The following P2RX1 variants were observed in gnomAD, a reference collection of about 807,000 sequenced individuals.
P2RX1 encodes purinergic receptor P2X 1, also known as P2X purinoceptor 1.
In P2RX1, 42 loss-of-function variants were observed where a neutral mutation model predicts 50.3. The ratio of observed to expected loss-of-function variants is 0.83; its 90% CI spans 0.65 to 1.08. P2RX1 has a LOEUF of 1.08. Among genes scored for constraint, P2RX1 ranks in the 50% least tolerant of loss-of-function variants. P2RX1 has a pLI of 0.00. For synonymous variants in P2RX1, 199 were observed against 202.6 expected, an observed-to-expected ratio of 0.98 and a Z score of 0.15; for missense variants, 449 against 529.0, an observed-to-expected ratio of 0.85 and a Z score of 1.48.
rs1195590270 is a variant in P2RX1 at position 3,897,283 on chromosome 17, A to G, written c.*531T>C. The G allele has an allele frequency of 5.7e-6, 1 of 174,948 alleles. No homozygotes were observed. Among genetic ancestry groups the G allele is most frequent in the African/African-American group, 2.4e-5 (1 of 42,188 alleles). 10.8% of individuals were successfully genotyped at this position (174,948 alleles called of 1,614,324 possible). ...AAACAGGGCTCAAGCAGGGCTGTCTAATAGAACTTTCTTTGACAGTGAAAA... is the reference window on the plus strand; with the variant it reads ...AAACAGGGCTCAAGCAGGGCTGTCTGATAGAACTTTCTTTGACAGTGAAAA... On this transcript the variant is annotated 3_prime_UTR_variant, in exon 12 of 12. Transcript: ENST00000225538.
chr17:3,898,714 C>T (rs554415872), intron 9 of P2RX1, among the ~76,000 whole-genome samples, 165 bp from the exon 10 acceptor site: 113 of 152,330 alleles, frequency 7.4e-4, no homozygotes, highest in African/African-American at 2.6e-3. Flanking sequence ...GGGTTTTGAC[C>T]TTGGCTCTGC....
chr17:3,909,069 T>C (rs979452378), intron 1 of P2RX1, among the ~76,000 whole-genome samples: 4 of 152,060 alleles, frequency 2.6e-5, no homozygotes, highest in Non-Finnish European at 4.4e-5. Context: ...CTCAGTCTGT[T>C]GCCCAGGCTG....
At position 3,904,872 on chromosome 17, in the gene P2RX1, C is replaced by G; in HGVS notation, c.343G>C (p.Gly115Arg). 1 of 1,509,822 alleles carries G rather than the reference C, an allele frequency of 6.6e-7. No individual in the cohort carries two copies. The highest frequency in any genetic ancestry group is 8.9e-7 in the Non-Finnish European group (1 of 1,118,614). 93.5% of individuals were successfully genotyped at this position (1,509,822 alleles called of 1,614,324 possible). ...GAAGTCCTCACCTCTGCGCAGTAGCCTTGAGTCTGCTTCGGGGTCACGATG... is the reference window on the plus strand; with the variant it reads ...GAAGTCCTCACCTCTGCGCAGTAGCGTTGAGTCTGCTTCGGGGTCACGATG... ...NFIVTPKQTQ[G>R]YCAEHPEGGI... The change falls in exon 3 of 12, where the codon GGC becomes CGC. Residue 115 changes from glycine (G) to arginine (R), a missense_variant. Physicochemically the swap from Gly to Arg is moderately radical, Grantham distance 125 (BLOSUM62 -2). Transcript: ENST00000225538.
chr17:3,899,935 T>A (rs1448464979), intron 7 of P2RX1, among the ~76,000 whole-genome samples, 174 bp from the exon 8 acceptor site: 3 of 151,958 alleles, frequency 2.0e-5, no homozygotes, highest in Admixed American at 2.0e-4. Flanking sequence ...AACCCGTCTC[T>A]ACTAAAAATA....
chr17:3,910,954 A>G (rs2144059923), intron 1 of P2RX1, among the ~76,000 whole-genome samples: 1 of 152,128 alleles, frequency 6.6e-6, no homozygotes, highest in East Asian at 1.9e-4. Flanking sequence ...CAGGCCAACC[A>G]TTTGTGTTTT....
At position 3,905,365 on chromosome 17, in the gene P2RX1, C is replaced by T; in HGVS notation, c.140G>A (p.Trp47Ter). 1 of 1,613,570 alleles carries T rather than the reference C, an allele frequency of 6.2e-7. No individual in the cohort carries two copies. The highest frequency in any genetic ancestry group is 8.5e-7 in the Non-Finnish European group (1 of 1,180,018). The change falls in exon 2 of 12, where the codon TGG becomes TAG. Residue 47 changes from tryptophan to a stop codon, truncating the protein, a stop_gained and splice_region_variant. Transcript: ENST00000225538. LOFTEE classifies it high-confidence loss of function. Reference protein sequence around the residue: ...QLVVLVYVIGWVFLYEKGYQT... With the variant: ...QLVVLVYVIG ...GTAGCCCTTCTCATAGAGAAACACC[C>T]ACCTGTGCGGGTGGGGACAGAGGGG...
At chr17:3,912,169 C>T (rs371956535) in intron 1 of P2RX1, among the ~76,000 whole-genome samples, 2 of 152,130 alleles carry the variant, frequency 1.3e-5, no homozygotes, top group Non-Finnish European at 1.5e-5. Context: ...AGACTGGACC[C>T]GCAGGAATTC....
Position 3,904,293 on chromosome 17 carries a change from G to A in P2RX1, c.427+37C>T, listed in dbSNP as rs1184831487. The A allele has an allele frequency of 2.2e-5, 35 of 1,584,292 alleles. No individual in the cohort carries two copies. The East Asian group carries it at 2.9e-4, about 13-fold the overall frequency. ...CTGCAGGACGTCAGGGACCGCAGCC[G>A]GGGGACTGTGGAGGGACAGGAGGAG... is the stretch of plus-strand genomic sequence containing the variant. On this transcript the variant is annotated intron_variant, in intron 4 of 11. Coordinates refer to ENST00000225538, the MANE Select transcript of P2RX1 (RefSeq NM_002558.4).
chr17:3,904,781 G>A, intron 3 of P2RX1, 77 bp downstream of exon 3: 1 of 1,164,122 alleles, frequency 8.6e-7, no homozygotes, highest in Non-Finnish European at 1.3e-6. Context: ...TTCCCCTCCA[G>A]TGCCCCTGGA....
At chr17:3,907,290 C>CGTGTGTGTGT (rs147411964) in intron 1 of P2RX1, among the ~76,000 whole-genome samples, 15,372 of 134,250 alleles carry the variant, frequency 0.11, 1,270 homozygotes, top group African/African-American at 0.21. Flanking sequence ...TTCAGGGTAA[C>CGTGTGTGTGT]GTGTGTGTGT....
chr17:3,908,549 G>C (rs896264882), intron 1 of P2RX1, among the ~76,000 whole-genome samples: 1 of 152,154 alleles, frequency 6.6e-6, no homozygotes, highest in Admixed American at 6.5e-5. Context: ...CGACAAGAGT[G>C]AGACTCCGTC....
chr17:3,905,290 A>T lies in P2RX1; in HGVS notation c.215T>A (p.Leu72Gln). 1.2e-6 allele frequency: 2 copies of T among 1,613,968 alleles called. No homozygotes were observed. Among genetic ancestry groups the T allele is most frequent in the Non-Finnish European group, 1.7e-6 (2 of 1,180,020 alleles). ...ISSVSVKLKG[L>Q]AVTQLPGLGP... ...GAGGCCAGGGAGCTGGGTCACGGCC[A>T]GGCCCTTGAGTTTCACAGAGACACT... is the stretch of plus-strand genomic sequence containing the variant. Residue 72 changes from leucine (L) to glutamine (Q), a missense_variant, in exon 2 of 12, where the codon CTG becomes CAG. By Grantham distance (113) the Leu-to-Gln change is moderately radical. Transcript: ENST00000225538.
At chr17:3,899,823 G>C in intron 7 of P2RX1, 62 bp from the exon 8 acceptor site, 1 of 1,593,090 alleles carries the variant, frequency 6.3e-7, no homozygotes, top group Non-Finnish European at 8.6e-7. Context: ...TGTCTCAGCC[G>C]GGCGCAGTGG....
In P2RX1 at chr17:3,907,940, G is replaced by A. The variant is rs1024124431; in HGVS notation, c.138-2573C>T. Among the ~76,000 whole-genome samples the A allele has an allele frequency of 5.9e-5, 9 of 152,304 alleles. No individual in the cohort carries two copies. The East Asian group carries it at 9.7e-4, about 16-fold the overall frequency. On this transcript the variant is annotated intron_variant, in intron 1 of 11. Transcript: ENST00000225538. Reference sequence around the variant, plus strand: ...AGGACAGGCCACTGACCTCCCTCTCGGCACCTTCAGCCCCAACAGCTTAGC... The same window carrying A: ...AGGACAGGCCACTGACCTCCCTCTCAGCACCTTCAGCCCCAACAGCTTAGC...
Position 3,905,386 on chromosome 17 carries a change from AG to A in P2RX1, c.138-20del, listed in dbSNP as rs763794875. ...CACCCACCTGTGCGGGTGGGGACAG[AG>A]GGGGAGTTGTGGTTGTGGCACCAGC... On this transcript the variant is annotated intron_variant, in intron 1 of 11. Coordinates refer to ENST00000225538, the MANE Select transcript of P2RX1 (RefSeq NM_002558.4). 3.1e-6 allele frequency: 5 copies of A among 1,612,674 alleles called. No individual in the cohort carries two copies. The African/African-American group carries it at 6.7e-5, about 22-fold the overall frequency.
In P2RX1 at chr17:3,898,140, G is replaced by A. The variant is rs149912938; in HGVS notation, c.1033-30C>T. On this transcript the variant is annotated intron_variant, in intron 10 of 11. Transcript: ENST00000225538. ...GGTCAGGGAAGGGCACGGAGACAGCGTGGGAATCCGGGGGTGGGTACGGAG... is the reference window on the plus strand; with the variant it reads ...GGTCAGGGAAGGGCACGGAGACAGCATGGGAATCCGGGGGTGGGTACGGAG... 70,551 of 1,586,044 alleles carry A rather than the reference G, an allele frequency of 0.044. 1,888 individuals carry two copies. Among genetic ancestry groups the A allele is most frequent in the South Asian group, 0.07 (6,351 of 90,482 alleles).
intron 3 of P2RX1, 92 bp from the exon 4 acceptor site, chr17:3,904,491 G>A (rs936875136): frequency 1.4e-5 from 15 of 1,090,712 alleles, no homozygotes; most frequent in South Asian, 5.3e-5. Context: ...TAGGGAGAGC[G>A]TGGGGCAGAG....
At chr17:3,900,174 C>T (rs933230497) in intron 7 of P2RX1, among the ~76,000 whole-genome samples, 12 of 151,792 alleles carry the variant, frequency 7.9e-5, no homozygotes, top group Non-Finnish European at 1.5e-4. Context: ...ATTTTGGAGC[C>T]GGGCGTGGTG....
intron 1 of P2RX1, among the ~76,000 whole-genome samples, chr17:3,910,039 A>G (rs543779115): frequency 1.4e-5 from 2 of 139,224 alleles, no homozygotes; most frequent in South Asian, 4.5e-4. Flanking sequence ...CAATGAGGCG[A>G]TCTAGGCTCA....
Sources: allele counts gnomAD v4.1 joint callset (sites outside exome capture counted in the v4.1 genomes callset), GRCh38; gene constraint gnomAD v4.1.1; transcripts MANE v1.5; gene names NCBI Gene and HGNC (gene_info 2026-07-23, HGNC 2026-07-21).